Variants in LHX4 observed in about 807,000 individuals in gnomAD.
The protein encoded by LHX4 is LIM/homeobox protein Lhx4.
LHX4 carries 16 observed loss-of-function variants against 39.2 expected under a neutral mutation model. That is an observed-to-expected ratio of 0.41 (90% CI 0.28 to 0.62). The LOEUF is 0.62. LHX4 is among the 20% of genes least tolerant of loss of function. The probability of loss-of-function intolerance (pLI) is 0.33; values close to 1 mark genes in which losing one functional copy is unlikely to be tolerated. For missense variants in LHX4, 439 were observed against 511.9 expected (o/e 0.86, Z 1.37); for synonymous variants, 206 against 198.1 (o/e 1.04, Z -0.33).
At chr1:180,248,512 A>G (rs542084281) in intron 2 of LHX4, 56 bp downstream of exon 2, 3 of 1,594,230 alleles carry the variant, frequency 1.9e-6, no homozygotes, top group African/African-American at 2.7e-5. Flanking sequence ...CTCCCCAAGC[A>G]GTGAGGGGGA....
At chr1:180,240,834 G>T (rs1247842627) in intron 1 of LHX4, among the ~76,000 whole-genome samples, 1 of 152,182 alleles carries the variant, frequency 6.6e-6, no homozygotes, top group African/African-American at 2.4e-5. Flanking sequence ...TCCAGTTTCT[G>T]ATGGGCCACT....
intron 1 of LHX4, among the ~76,000 whole-genome samples, chr1:180,243,892 A>G (rs1435817560): frequency 6.6e-6 from 1 of 152,236 alleles, no homozygotes; most frequent in Non-Finnish European, 1.5e-5. Flanking sequence ...CTATCTAAAA[A>G]AATGACAGGC....
Position 180,234,199 on chromosome 1 carries a change from ATATATATATATATATATAT to A in LHX4, c.76+3595_76+3613del, listed in dbSNP as rs1174018583. ...TATATATATATATATATATATATAT[ATATATATATATATATATAT>A]ATAATAGATTGAGATTCTATCATAT... is the stretch of plus-strand genomic sequence containing the variant. On this transcript the variant is annotated intron_variant, in intron 1 of 5. Transcript: ENST00000263726. The surrounding 1 kb of genome is among the most constrained non-coding windows in gnomAD (Gnocchi z 4.8). Among the ~76,000 whole-genome samples, 4 of 89,710 alleles carry A rather than the reference ATATATATATATATATATAT, an allele frequency of 4.5e-5. No individual in the cohort carries two copies. Among genetic ancestry groups the A allele is most frequent in the Non-Finnish European group, 6.1e-5 (3 of 48,822 alleles). 58.9% of individuals were successfully genotyped at this position (89,710 alleles called of 152,430 possible).
chr1:180,274,061 T>G, intron 5 of LHX4, 124 bp from the exon 6 acceptor site: 1 of 1,239,418 alleles, frequency 8.1e-7, no homozygotes, highest in Non-Finnish European at 1.2e-6. Context: ...GACCCATGCT[T>G]GGCTGCAAGG....
upstream of LHX4, among the ~76,000 whole-genome samples, chr1:180,228,894 C>T (rs963939401): frequency 6.6e-6 from 1 of 152,138 alleles, no homozygotes; most frequent in African/African-American, 2.4e-5. Context: ...AAGCTGAACC[C>T]CACTAGGCTG....
Position 180,274,594 on chromosome 1 carries a change from C to T in LHX4, c.*15C>T. On this transcript the variant is annotated 3_prime_UTR_variant, in exon 6 of 6. Coordinates refer to ENST00000263726, the MANE Select transcript of LHX4 (RefSeq NM_033343.4). ...CTCCTTTTTAAACTTCTCTCCTCCC[C>T]ACCCTACCTGCCCCCCTGGCTTGAG... 6.5e-7 allele frequency: 1 copy of T among 1,549,152 alleles called. No individual in the cohort carries two copies. Among genetic ancestry groups the T allele is most frequent in the South Asian group, 1.2e-5 (1 of 82,708 alleles).
intron 3 of LHX4, among the ~76,000 whole-genome samples, chr1:180,269,489 G>A (rs58528599): frequency 1.3e-5 from 2 of 152,186 alleles, no homozygotes; most frequent in South Asian, 2.1e-4. Flanking sequence ...CCCCATCATT[G>A]CAAGAAGAAA....
At position 180,277,188 on chromosome 1, in the gene LHX4, G is replaced by A. The variant is rs1334962890; in HGVS notation, c.*2609G>A. ...AGATTTTAAATGGATCTCCCTACAG[G>A]TTGGGTTAGCATTATGGGTGGGCTG... On this transcript the variant is annotated 3_prime_UTR_variant, in exon 6 of 6. Transcript: ENST00000263726. 1 of 152,226 alleles carries A rather than the reference G, an allele frequency of 6.6e-6. No homozygotes were observed. The highest frequency in any genetic ancestry group is 2.4e-5 in the African/African-American group (1 of 41,450). 9.4% of individuals were successfully genotyped at this position (152,226 alleles called of 1,614,324 possible). A position where few individuals can be genotyped will look rare whatever the true frequency, so the allele number is the denominator to read the frequency against.
rs1179448052 is a variant in LHX4, at chr1:180,266,131, G to A, written c.249-261G>A. ...GTGTTAATCGGGCAGCTGGAATCCG[G>A]GGGCATCAGCTTTGGAAAAGGTACC... On this transcript the variant is annotated intron_variant, in intron 2 of 5. Coordinates refer to ENST00000263726, the MANE Select transcript of LHX4 (RefSeq NM_033343.4). This position sits in a 1 kb window ranked among gnomAD's most constrained non-coding sequence, Gnocchi z 5.7. Among the ~76,000 whole-genome samples, 2 of 152,286 alleles carry A rather than the reference G, an allele frequency of 1.3e-5. No homozygotes were observed. Among genetic ancestry groups the A allele is most frequent in the East Asian group, 1.9e-4 (1 of 5,178 alleles).
intron 2 of LHX4, among the ~76,000 whole-genome samples, chr1:180,253,736 C>T (rs1571269828): frequency 2.0e-5 from 3 of 152,204 alleles, no homozygotes; most frequent in Non-Finnish European, 4.4e-5. Flanking sequence ...TAAACACTGC[C>T]GGGTTTCAGG....
rs367737552 is a variant in LHX4, at chr1:180,255,410, GCA to G, written c.248+6963_248+6964del. 5.3e-3 allele frequency among the ~76,000 whole-genome samples: 813 copies of G among 152,328 alleles called. 7 individuals carry two copies. The highest frequency in any genetic ancestry group is 0.019 in the African/African-American group (771 of 41,566). On this transcript the variant is annotated intron_variant, in intron 2 of 5. Transcript: ENST00000263726. Reference sequence around the variant, plus strand: ...CACGCACACACGCGTGCACACACATGCACACACACAGTGCTCTAGCAGAATGT... The same window carrying G: ...CACGCACACACGCGTGCACACACATGCACACACAGTGCTCTAGCAGAATGT...
rs1156906276 is a variant in LHX4 at position 180,277,321 on chromosome 1, T to C, written c.*2742T>C. ...TCTCTTAGAGGCACTCCTCTGTTGC[T>C]TGGAAGTCTATTATGGGGTATAAGG... On this transcript the variant is annotated 3_prime_UTR_variant, in exon 6 of 6. Transcript: ENST00000263726. 1 of 152,238 alleles carries C rather than the reference T, an allele frequency of 6.6e-6. No homozygotes were observed. Among genetic ancestry groups the C allele is most frequent in the African/African-American group, 2.4e-5 (1 of 41,464 alleles). The allele number at this position is 152,238 out of a possible 1,614,324, so 9.4% of individuals were successfully genotyped here. A position where few individuals can be genotyped will look rare whatever the true frequency, so the allele number is the denominator to read the frequency against.
chr1:180,229,968 G>GGGGGC (rs1553278104), upstream of LHX4, among the ~76,000 whole-genome samples: 63 of 140,936 alleles, frequency 4.5e-4, no homozygotes, highest in East Asian at 8.5e-4. Context: ...GCGGGGAGGG[G>GGGGGC]GGGGGGGTGC....
At chr1:180,252,252 TG>T (rs2149257976) in intron 2 of LHX4, among the ~76,000 whole-genome samples, 1 of 152,274 alleles carries the variant, frequency 6.6e-6, no homozygotes, top group East Asian at 1.9e-4. Flanking sequence ...GAGACCGTGC[TG>T]GGGCAGGAGG....
At chr1:180,233,482 C>A (rs539702702) in intron 1 of LHX4, among the ~76,000 whole-genome samples, 7 of 152,242 alleles carry the variant, frequency 4.6e-5, no homozygotes, top group Non-Finnish European at 7.3e-5. Context: ...TGACCCGGGG[C>A]CGTGTTGGGT....
At chr1:180,231,954 TAC>T (rs1309798285) in intron 1 of LHX4, among the ~76,000 whole-genome samples, 1 of 152,210 alleles carries the variant, frequency 6.6e-6, no homozygotes, top group African/African-American at 2.4e-5. Context: ...GGCTGTATTC[TAC>T]AGTTATTCTT....
At chr1:180,261,246 G>A (rs1648103297) in intron 2 of LHX4, among the ~76,000 whole-genome samples, 1 of 151,626 alleles carries the variant, frequency 6.6e-6, no homozygotes, top group South Asian at 2.1e-4. Flanking sequence ...CACAGCTCTG[G>A]ATGAGTGGGG....
At position 180,277,774 on chromosome 1, in the gene LHX4, C is replaced by A. The variant is rs1649122423; in HGVS notation, c.*3195C>A. 1 of 151,782 alleles carries A rather than the reference C, an allele frequency of 6.6e-6. No homozygotes were observed. Among genetic ancestry groups the A allele is most frequent in the Non-Finnish European group, 1.5e-5 (1 of 68,008 alleles). 9.4% of individuals were successfully genotyped at this position (151,782 alleles called of 1,614,324 possible). ...ATAACGTAAAATAAAGATCAACTAT[C>A]ATTGATAACACTGTTCCTGCAAATG... On this transcript the variant is annotated 3_prime_UTR_variant, in exon 6 of 6. Transcript: ENST00000263726.
At position 180,266,630 on chromosome 1, in the gene LHX4, G is replaced by T. The variant is rs993654869; in HGVS notation, c.451+36G>T. Reference sequence around the variant, plus strand: ...TGGCCCCGCATGGTCCCCTCTCCAGGCCTTTGTTTGGGCCACGCCCTCTGC... The same window carrying T: ...TGGCCCCGCATGGTCCCCTCTCCAGTCCTTTGTTTGGGCCACGCCCTCTGC... On this transcript the variant is annotated intron_variant, in intron 3 of 5. Transcript: ENST00000263726. This position sits in a 1 kb window ranked among gnomAD's most constrained non-coding sequence, Gnocchi z 5.7. 1 of 1,601,226 alleles carries T rather than the reference G, an allele frequency of 6.2e-7. No individual in the cohort carries two copies.
Sources: gnomAD v4.1 joint callset for allele counts (sites outside exome capture counted in the v4.1 genomes callset) on GRCh38, gnomAD v4.1.1 for gene constraint, Gnocchi (gnomAD v3.1) non-coding constraint, MANE v1.5 for transcripts, NCBI Gene and HGNC (gene_info 2026-07-23, HGNC 2026-07-21) for gene names.